MCF2L2: variants seen among roughly 807,000 people sequenced by gnomAD.
The protein encoded by MCF2L2 is MCF.2 cell line derived transforming sequence-like 2.
MCF2L2 carries 102 observed loss-of-function variants against 150.2 expected under a neutral mutation model. The observed-to-expected ratio is 0.68, with a 90% confidence interval of 0.58 to 0.80. The LOEUF is 0.80. Ranked by LOEUF, MCF2L2 falls within the 30% of genes least tolerant of loss-of-function variation. The pLI is 0.00. For synonymous variants in MCF2L2, 465 were observed against 491.3 expected, an observed-to-expected ratio of 0.95 and a Z score of 0.71; for missense variants, 1,256 against 1,372.8, an observed-to-expected ratio of 0.91 and a Z score of 1.34.
intron 5 of MCF2L2, among the ~76,000 whole-genome samples, chr3:183,329,905 C>G (rs1366202358): frequency 6.6e-6 from 1 of 152,044 alleles, no homozygotes; most frequent in Admixed American, 6.6e-5. Flanking sequence ...GCAAGTATAA[C>G]ACAATGGAAA....
chr3:183,195,342 A>G (rs1003711350), intron 25 of MCF2L2, 87 bp from the exon 26 acceptor site: 45 of 846,614 alleles, frequency 5.3e-5, no homozygotes, highest in Non-Finnish European at 3.9e-6. Flanking sequence ...ATACACATAT[A>G]TGCATAAAGA....
In MCF2L2 at chr3:183,179,226, G is replaced by C. The variant is rs1721422087; in HGVS notation, c.*154C>G. 9.4e-7 allele frequency: 1 copy of C among 1,063,108 alleles called. No individual in the cohort carries two copies. The highest frequency in any genetic ancestry group is 2.5e-5 in the South Asian group (1 of 40,332). The allele number at this position is 1,063,108 out of a possible 1,614,324, so 65.9% of individuals were successfully genotyped here. A position where few individuals can be genotyped will look rare whatever the true frequency, so the allele number is the denominator to read the frequency against. On this transcript the variant is annotated 3_prime_UTR_variant, in exon 30 of 30. Transcript: ENST00000328913. The surrounding 1 kb of genome is among the most constrained non-coding windows in gnomAD (Gnocchi z 4.2). ...TAGGCGCGCACCCAGGACACCCCTC[G>C]GGCTCCTCGGAGGAGGCCCTGGTTG...
intron 3 of MCF2L2, chr3:183,376,267 G>A (rs898849473): frequency 6.6e-6 from 1 of 152,188 alleles, no homozygotes; most frequent in Non-Finnish European, 1.5e-5. Context: ...TATCTTCAGC[G>A]TGATTTGGAA....
At chr3:183,326,492 C>CAAAAAAAAAAAAAA (rs890481068) in intron 5 of MCF2L2, among the ~76,000 whole-genome samples, 8 of 39,416 alleles carry the variant, frequency 2.0e-4, no homozygotes, top group South Asian at 1.6e-3. Flanking sequence ...AACTCCGTCT[C>CAAAAAAAAAAAAAA]AAAAAAAAAA....
chr3:183,420,398 G>A (rs573167045), intron 1 of MCF2L2, among the ~76,000 whole-genome samples: 29 of 152,110 alleles, frequency 1.9e-4, no homozygotes, highest in South Asian at 2.1e-4. Context: ...TCAGGAGTTC[G>A]AGACCAGCCT....
At chr3:183,273,317 T>A (rs1048990514) in intron 15 of MCF2L2, 3 of 277,710 alleles carry the variant, frequency 1.1e-5, no homozygotes, top group African/African-American at 2.2e-5. Context: ...TGAATTTTGC[T>A]CTTGTATGGC....
rs565876264 is a variant in MCF2L2, at chr3:183,399,529, G to C, written c.77-9750C>G. 2.6e-5 allele frequency among the ~76,000 whole-genome samples: 4 copies of C among 152,348 alleles called. No individual in the cohort carries two copies. In the South Asian group the frequency reaches 8.3e-4, roughly 32 times the overall value. ...AGCTGCTTCAGCTTTGAGAACATCT[G>C]TCCTGCTGGCTTCCAAGTACACGGA... is the stretch of plus-strand genomic sequence containing the variant. On this transcript the variant is annotated intron_variant, in intron 1 of 29. Transcript: ENST00000328913.
At chr3:183,285,488 C>T (rs953101707) in intron 14 of MCF2L2, among the ~76,000 whole-genome samples, 1 of 152,224 alleles carries the variant, frequency 6.6e-6, no homozygotes, top group East Asian at 1.9e-4. Flanking sequence ...CTCTGAGTCT[C>T]ATGGCACTGC....
chr3:183,409,744 C>T (rs754040448), intron 1 of MCF2L2, among the ~76,000 whole-genome samples: 4 of 151,754 alleles, frequency 2.6e-5, no homozygotes, highest in African/African-American at 7.3e-5. Context: ...GTAGTAGAGG[C>T]GAGGTTTCAC....
chr3:183,289,970 G>C lies in MCF2L2; in HGVS notation c.1676-750C>G, dbSNP rs566078310. On this transcript the variant is annotated intron_variant, in intron 13 of 29. Coordinates refer to ENST00000328913, the MANE Select transcript of MCF2L2 (RefSeq NM_015078.4). ...TGCTTTGGCATGCATCATGTGTACA[G>C]CATAATGTTGCACTTGATGTTGTTC... is the stretch of plus-strand genomic sequence containing the variant. Among the ~76,000 whole-genome samples, 15 of 152,306 alleles carry C rather than the reference G, an allele frequency of 9.8e-5. No homozygotes were observed. In the South Asian group the frequency reaches 3.1e-3, roughly 32 times the overall value.
intron 15 of MCF2L2, among the ~76,000 whole-genome samples, chr3:183,264,257 C>T (rs1725893954): frequency 6.6e-6 from 1 of 152,196 alleles, no homozygotes; most frequent in South Asian, 2.1e-4. Context: ...AAAGATTGTT[C>T]CTACTCCTGC....
At chr3:183,423,949 T>G (rs150606655) in intron 1 of MCF2L2, among the ~76,000 whole-genome samples, 1 of 152,254 alleles carries the variant, frequency 6.6e-6, no homozygotes, top group African/African-American at 2.4e-5. Context: ...GACTATGGGT[T>G]TCTAGTTATT....
chr3:183,346,587 A>T (rs1030362033), intron 3 of MCF2L2, among the ~76,000 whole-genome samples: 50 of 152,342 alleles, frequency 3.3e-4, no homozygotes, highest in Admixed American at 1.4e-3. Context: ...AATGAAATAA[A>T]GGGTATTCAA....
At chr3:183,205,515 T>A (rs1263718254) in intron 25 of MCF2L2, among the ~76,000 whole-genome samples, 1 of 152,234 alleles carries the variant, frequency 6.6e-6, no homozygotes, top group Non-Finnish European at 1.5e-5. Flanking sequence ...GCATGTTAAT[T>A]ATATCTTGAT....
chr3:183,321,068 A>G (rs1257818339), intron 6 of MCF2L2, among the ~76,000 whole-genome samples: 2 of 152,224 alleles, frequency 1.3e-5, no homozygotes, highest in Non-Finnish European at 2.9e-5. Context: ...ACTGTCTTAC[A>G]TGGATGCAGT....
intron 1 of MCF2L2, among the ~76,000 whole-genome samples, chr3:183,419,202 T>C (rs1227346258): frequency 6.6e-6 from 1 of 152,072 alleles, no homozygotes; most frequent in East Asian, 1.9e-4. Context: ...ACAGCTGGAG[T>C]GGCTGGAACA....
chr3:183,280,178 A>C (rs767319426), intron 14 of MCF2L2, among the ~76,000 whole-genome samples: 56 of 152,144 alleles, frequency 3.7e-4, no homozygotes, highest in Non-Finnish European at 6.2e-4. Context: ...ACCAACACGC[A>C]GGCTCTCCAG....
At chr3:183,313,140 G>A (rs545669998) in intron 7 of MCF2L2, among the ~76,000 whole-genome samples, 1 of 152,234 alleles carries the variant, frequency 6.6e-6, no homozygotes, top group African/African-American at 2.4e-5. Flanking sequence ...ATGTACTCTT[G>A]GGTCAGTATC....
At position 183,318,120 on chromosome 3, in the gene MCF2L2, A is replaced by G. The variant is rs964725424; in HGVS notation, c.701T>C (p.Leu234Pro). The G allele has an allele frequency of 5.9e-5, 96 of 1,614,058 alleles. No individual in the cohort carries two copies. Among genetic ancestry groups the G allele is most frequent in the Non-Finnish European group, 8.1e-5 (96 of 1,180,032 alleles). Reference protein sequence around the residue: ...LATAELPRSMLSTEDLLMSHT... With the variant: ...LATAELPRSMPSTEDLLMSHT... Reference sequence around the variant, plus strand: ...GGACATGAGAAGGTCTTCCGTGGATAGCATGCTTCTGGGCAGCTCTGCTGT... The same window carrying G: ...GGACATGAGAAGGTCTTCCGTGGATGGCATGCTTCTGGGCAGCTCTGCTGT... The change falls in exon 7 of 30, where the codon CTA (leucine) becomes CCA (proline). Residue 234 changes from leucine to proline, a missense_variant. Coordinates refer to ENST00000328913, the MANE Select transcript of MCF2L2 (RefSeq NM_015078.4).
Sources: allele counts gnomAD v4.1 joint callset (sites outside exome capture counted in the v4.1 genomes callset), GRCh38; gene constraint gnomAD v4.1.1; non-coding constraint Gnocchi (gnomAD v3.1); transcripts MANE v1.5; gene names NCBI Gene and HGNC (gene_info 2026-07-23, HGNC 2026-07-21).